The following FBXO36 variants were observed in gnomAD, a reference collection of about 807,000 sequenced individuals.
FBXO36 encodes F-box only protein 36.
A neutral mutation model predicts 17.0 loss-of-function variants in FBXO36; 18 were observed. The ratio of observed to expected loss-of-function variants is 1.06; its 90% CI spans 0.73 to 1.57. The LOEUF (loss-of-function observed/expected upper bound fraction) is 1.57. FBXO36 is among the 40% of genes most tolerant of loss of function. FBXO36 has a pLI of 0.00. For missense variants in FBXO36, 229 were observed against 221.9 expected (o/e 1.03, Z -0.20); for synonymous variants, 83 against 85.3 (o/e 0.97, Z 0.15).
chr2:229,988,374 T>C (rs1030703544), intron 2 of FBXO36, among the ~76,000 whole-genome samples: 2 of 152,358 alleles, frequency 1.3e-5, no homozygotes, highest in African/African-American at 2.4e-5. Context: ...TCTGCAGATA[T>C]AAACAAATTC....
intron 1 of FBXO36, among the ~76,000 whole-genome samples, chr2:229,948,762 G>A (rs1037871448): frequency 3.3e-5 from 5 of 152,138 alleles, no homozygotes; most frequent in African/African-American, 4.8e-5. Flanking sequence ...TGAAAGTGAC[G>A]GAAAACCCAA....
At chr2:229,924,890 T>A (rs2076899830) in intron 1 of FBXO36, among the ~76,000 whole-genome samples, 1 of 151,892 alleles carries the variant, frequency 6.6e-6, no homozygotes, top group South Asian at 2.1e-4. Flanking sequence ...TACCTCAGCC[T>A]CCCCAGTAGC....
At chr2:229,932,885 TG>T in intron 1 of FBXO36, 1 of 335,182 alleles carries the variant, frequency 3.0e-6, no homozygotes, top group Admixed American at 3.1e-5. Flanking sequence ...CTGACAAACA[TG>T]GTGAAACCCC....
At chr2:229,970,220 T>C (rs1286980939) in intron 1 of FBXO36, among the ~76,000 whole-genome samples, 1 of 152,186 alleles carries the variant, frequency 6.6e-6, no homozygotes, top group Non-Finnish European at 1.5e-5. Context: ...CACAAATGTT[T>C]ATAAAAACTT....
intron 1 of FBXO36, among the ~76,000 whole-genome samples, chr2:229,943,627 G>A (rs1248715003): frequency 2.0e-5 from 3 of 152,152 alleles, no homozygotes; most frequent in Admixed American, 6.5e-5. Context: ...GTGAGAGGCT[G>A]TCAGGAGCCC....
At chr2:229,926,763 C>T (rs1244121557) in intron 1 of FBXO36, among the ~76,000 whole-genome samples, 1 of 151,816 alleles carries the variant, frequency 6.6e-6, no homozygotes, top group Admixed American at 6.6e-5. Flanking sequence ...GTTATTCTTA[C>T]TCTAGCTCTA....
At chr2:229,962,303 A>C (rs1236540680) in intron 1 of FBXO36, among the ~76,000 whole-genome samples, 1 of 152,002 alleles carries the variant, frequency 6.6e-6, no homozygotes, top group Admixed American at 6.6e-5. Flanking sequence ...ATAAATAATT[A>C]GATAATGAAT....
intron 1 of FBXO36, among the ~76,000 whole-genome samples, chr2:229,957,151 T>C (rs543710259): frequency 1.3e-5 from 2 of 152,324 alleles, no homozygotes; most frequent in East Asian, 3.9e-4. Flanking sequence ...CTTTAGTGGA[T>C]ATTCTTTTCA....
In FBXO36 at chr2:230,008,050, C is replaced by T. The variant is rs546249740; in HGVS notation, c.379-2646C>T. 6.0e-4 allele frequency among the ~76,000 whole-genome samples: 91 copies of T among 152,198 alleles called. 1 individual carries two copies. Among genetic ancestry groups the T allele is most frequent in the Non-Finnish European group, 1.0e-3 (69 of 68,004 alleles). On this transcript the variant is annotated intron_variant, in intron 3 of 3. Transcript: ENST00000283946. ...ATCCTGGCCCAAGAATTTGACCAAT[C>T]GATATTAAGGTTGTACAGATCAAAT... is the stretch of plus-strand genomic sequence containing the variant.
chr2:229,996,988 C>A, intron 3 of FBXO36, 65 bp downstream of exon 3: 2 of 1,474,054 alleles, frequency 1.4e-6, no homozygotes, highest in South Asian at 1.3e-5. Context: ...AAATTTTTAA[C>A]ATAGCAATCA....
At chr2:229,982,965 T>C (rs956116262) in intron 2 of FBXO36, among the ~76,000 whole-genome samples, 1 of 152,098 alleles carries the variant, frequency 6.6e-6, no homozygotes, top group Non-Finnish European at 1.5e-5. Context: ...TGCTGAATTT[T>C]TTTAACAGAT....
chr2:229,941,354 C>T (rs1330106138), intron 1 of FBXO36, among the ~76,000 whole-genome samples: 1 of 152,068 alleles, frequency 6.6e-6, no homozygotes, highest in Non-Finnish European at 1.5e-5. Context: ...ACTCGGGAGG[C>T]TGAGGCAGGA....
At chr2:229,930,707 C>T (rs375990309) in intron 1 of FBXO36, among the ~76,000 whole-genome samples, 2 of 152,202 alleles carry the variant, frequency 1.3e-5, no homozygotes, top group East Asian at 1.9e-4. Flanking sequence ...ACCACGATTG[C>T]GCCACTGCAC....
At chr2:229,958,174 A>AT (rs574036958) in intron 1 of FBXO36, among the ~76,000 whole-genome samples, 181 of 147,456 alleles carry the variant, frequency 1.2e-3, no homozygotes, top group Non-Finnish European at 2.3e-3. Flanking sequence ...TAAAAAAAAA[A>AT]TTTTTTTTAA....
At chr2:229,961,328 C>T (rs995541899) in intron 1 of FBXO36, among the ~76,000 whole-genome samples, 2 of 151,972 alleles carry the variant, frequency 1.3e-5, no homozygotes, top group African/African-American at 4.8e-5. Context: ...TTGCAAGACA[C>T]AATTTTTTTT....
At chr2:229,928,973 A>AC (rs2076925731) in intron 1 of FBXO36, among the ~76,000 whole-genome samples, 1 of 144,854 alleles carries the variant, frequency 6.9e-6, no homozygotes, top group African/African-American at 2.5e-5. Flanking sequence ...TTTTCTTTTC[A>AC]TTTTTTTTTT....
intron 1 of FBXO36, among the ~76,000 whole-genome samples, chr2:229,962,852 T>C (rs2077130801): frequency 6.6e-6 from 1 of 151,706 alleles, no homozygotes. Context: ...TAATTTTGTA[T>C]TTTTAGTAGA....
At chr2:229,996,305 C>T (rs546458093) in intron 2 of FBXO36, among the ~76,000 whole-genome samples, 6 of 152,070 alleles carry the variant, frequency 3.9e-5, no homozygotes, top group African/African-American at 1.4e-4. Flanking sequence ...GATCAAATGT[C>T]AGCTAAAATT....
intron 2 of FBXO36, among the ~76,000 whole-genome samples, chr2:229,995,223 A>G (rs2077318943): frequency 6.6e-6 from 1 of 152,184 alleles, no homozygotes; most frequent in Admixed American, 6.5e-5. Flanking sequence ...GAAGAAAATA[A>G]AAGTCACCAC....
Sources: allele counts gnomAD v4.1 joint callset (sites outside exome capture counted in the v4.1 genomes callset), GRCh38; gene constraint gnomAD v4.1.1; transcripts MANE v1.5; gene names NCBI Gene and HGNC (gene_info 2026-07-23, HGNC 2026-07-21).